The following PKD1 variants were observed in gnomAD, a reference collection of about 807,000 sequenced individuals.
PKD1 encodes polycystin 1, transient receptor potential channel interacting.
In PKD1, 81 loss-of-function variants were observed where a neutral mutation model predicts 361.7. The ratio of observed to expected loss-of-function variants is 0.22; its 90% CI spans 0.19 to 0.27. The LOEUF (loss-of-function observed/expected upper bound fraction) is 0.27. PKD1 is among the 10% of genes least tolerant of loss of function. The pLI is 1.00. For missense variants in PKD1, 6,399 were observed against 6,118.3 expected (o/e 1.05, Z -1.53); for synonymous variants, 3,615 against 2,818.3 (o/e 1.28, Z -8.95).
intron 1 of PKD1, 156 bp from the exon 2 acceptor site, chr16:2,119,534 G>A (rs1323391551): frequency 2.0e-5 from 14 of 694,856 alleles, no homozygotes; most frequent in Non-Finnish European, 3.7e-5. Context: ...TCTGATGGAA[G>A]ACCCAAATGA....
At position 2,090,597 on chromosome 16, in the gene PKD1, G is replaced by A. The variant is rs371275742; in HGVS notation, c.12139-7C>T. 66 of 1,608,352 alleles carry A rather than the reference G, an allele frequency of 4.1e-5. No homozygotes were observed. Among genetic ancestry groups the A allele is most frequent in the African/African-American group, 6.7e-5 (5 of 74,906 alleles). ...CCACACAGGAAGACACGAGCTGCGG[G>A]GAAGGCGACACCAGTGAGGGCGTAC... is the stretch of plus-strand genomic sequence containing the variant. On this transcript the variant is annotated splice_region_variant and splice_polypyrimidine_tract_variant and intron_variant, in intron 44 of 45. Coordinates refer to ENST00000262304, the MANE Select transcript of PKD1 (RefSeq NM_001009944.3).
intron 37 of PKD1, 132 bp downstream of exon 37, chr16:2,093,412 G>A: frequency 1.1e-6 from 1 of 892,074 alleles, no homozygotes; most frequent in Non-Finnish European, 1.7e-6. Context: ...ACCGGGCAAA[G>A]GCTGCAGAGC....
At chr16:2,092,787 A>C in intron 38 of PKD1, 167 bp downstream of exon 38, 1 of 894,686 alleles carries the variant, frequency 1.1e-6, no homozygotes, top group Non-Finnish European at 1.8e-6. Flanking sequence ...GCACTGCAAG[A>C]CACGGACCTG....
At chr16:2,108,083 T>A (rs770502089) in intron 15 of PKD1, 51 bp from the exon 16 acceptor site, 1 of 1,584,018 alleles carries the variant, frequency 6.3e-7, no homozygotes. Flanking sequence ...CATCCAGTTT[T>A]AAAGCAGAGC....
intron 1 of PKD1, among the ~76,000 whole-genome samples, chr16:2,121,765 G>A (rs557176563): frequency 1.3e-5 from 2 of 152,148 alleles, no homozygotes; most frequent in East Asian, 1.9e-4. Flanking sequence ...TGGCTCCGCA[G>A]GTCTGCACAC....
Position 2,114,630 on chromosome 16 carries a change from A to G in PKD1, c.2393T>C (p.Val798Ala). The change falls in exon 11 of 46, where the codon GTC (valine) becomes GCC (alanine). Residue 798 changes from valine to alanine, a missense_variant. Physicochemically the swap from Val to Ala is moderately conservative, Grantham distance 64 (BLOSUM62 0). Transcript: ENST00000262304. ...PGLRLPGRYE[V>A]RAEVGNGVSR... ...CACGCCATTGCCCACCTCTGCCCGG[A>G]CCTCATAGCGCCCAGGCAGCCGCAG... 1 of 1,569,622 alleles carries G rather than the reference A, an allele frequency of 6.4e-7. No homozygotes were observed. Among genetic ancestry groups the G allele is most frequent in the Non-Finnish European group, 8.6e-7 (1 of 1,167,066 alleles).
At chr16:2,113,711 C>T (rs1342456767) in intron 11 of PKD1, 1 of 355,802 alleles carries the variant, frequency 2.8e-6, no homozygotes, top group South Asian at 2.8e-5. Flanking sequence ...TCTGATGGCC[C>T]CTCCCAAGGC....
chr16:2,091,281 C>T, intron 42 of PKD1, 107 bp from the exon 43 acceptor site: 2 of 397,022 alleles, frequency 5.0e-6, no homozygotes, highest in South Asian at 9.0e-5. Flanking sequence ...CGGGACGCTG[C>T]CGGGGCGGGG....
chr16:2,102,119 C>G lies in PKD1; in HGVS notation c.9339G>C (p.Gly3113=), dbSNP rs752131820. 1.9e-6 allele frequency: 3 copies of G among 1,568,290 alleles called. No homozygotes were observed. The highest frequency in any genetic ancestry group is 2.6e-6 in the Non-Finnish European group (3 of 1,150,528). ...ASRGRAIPFC[G]QRGRFKYEIL... ...TCTCGTACTTGAAGCGGCCCCGCTG[C>G]CCACAGAAAGGGATGGCGCGGCCCC... The change falls in exon 26 of 46, where the codon GGG becomes GGC. Residue 3113 remains glycine, a synonymous_variant. Transcript: ENST00000262304.
chr16:2,090,800 C>G lies in PKD1; in HGVS notation c.12012G>C (p.Gln4004His). ...LLFLLLVKAA[Q>H]QLRFVRQWSV... ...ACCACTGGCGCACGAAGCGTAGCTGCTGGGCAGCCTGCGGACGAGAAATCT... is the reference window on the plus strand; with the variant it reads ...ACCACTGGCGCACGAAGCGTAGCTGGTGGGCAGCCTGCGGACGAGAAATCT... The change falls in exon 44 of 46, where the codon CAG becomes CAC. Residue 4004 changes from glutamine to histidine, a missense_variant. Physicochemically the swap from Gln to His is conservative, Grantham distance 24. Coordinates refer to ENST00000262304, the MANE Select transcript of PKD1 (RefSeq NM_001009944.3). 6.2e-7 allele frequency: 1 copy of G among 1,612,464 alleles called. No individual in the cohort carries two copies.
chr16:2,118,717 C>G lies in PKD1; in HGVS notation c.488G>C (p.Gly163Ala). 3 of 1,477,112 alleles carry G rather than the reference C, an allele frequency of 2.0e-6. No homozygotes were observed. The highest frequency in any genetic ancestry group is 2.8e-6 in the Non-Finnish European group (3 of 1,086,110). 91.5% of individuals were successfully genotyped at this position (1,477,112 alleles called of 1,614,324 possible). The change falls in exon 4 of 46, where the codon GGC becomes GCC. Residue 163 changes from glycine to alanine, a missense_variant. By Grantham distance (60) the Gly-to-Ala change is moderately conservative. Transcript: ENST00000262304. This position sits in a 1 kb window ranked among gnomAD's most constrained non-coding sequence, Gnocchi z 6.0. Reference protein sequence around the residue: ...ATCAGPGSLAGQPLLGIPLLD... With the variant: ...ATCAGPGSLAAQPLLGIPLLD... ...CAAGGGGATGCCAAGCAGAGGCTGG[C>G]CAGCCAGGGAGCCAGGCCCAGCACA...
rs555901411 is a variant in PKD1, at chr16:2,104,549, C to T, written c.8110G>A (p.Ala2704Thr). ...ATGGCGGTGGGCGTCACGGTGCCCG[C>T]GGTGGTCTCTGCCTGCAGGATGAGC... The part of the protein sequence containing the change: ...MMLILQAETT[A>T]GTVTPTAIGD... The change falls in exon 22 of 46, where the codon GCG (alanine) becomes ACG (threonine). Residue 2704 changes from alanine to threonine, a missense_variant. Ala to Thr is a moderately conservative substitution (Grantham distance 58). Coordinates refer to ENST00000262304, the MANE Select transcript of PKD1 (RefSeq NM_001009944.3). 54 of 1,590,712 alleles carry T rather than the reference C, an allele frequency of 3.4e-5. No homozygotes were observed. The highest frequency in any genetic ancestry group is 1.6e-4 in the African/African-American group (12 of 73,576).
rs781108645 is a variant in PKD1 at position 2,094,128 on chromosome 16, A to G, written c.10582T>C (p.Trp3528Arg). 1.3e-6 allele frequency: 2 copies of G among 1,595,600 alleles called. No homozygotes were observed. Among genetic ancestry groups the G allele is most frequent in the Non-Finnish European group, 1.7e-6 (2 of 1,171,044 alleles). Residue 3528 changes from tryptophan to arginine, a missense_variant, in exon 35 of 46, where the codon TGG (tryptophan) becomes CGG (arginine). Coordinates refer to ENST00000262304, the MANE Select transcript of PKD1 (RefSeq NM_001009944.3). The part of the protein sequence containing the change: ...ELGPPSPGLN[W>R]EQPQAARLSR... ...AGCCTCGCTGCCTGGGGCTGTTCCC[A>G]GTTCAGGCCTGGGCTGGGTGGCCCC...
intron 1 of PKD1, among the ~76,000 whole-genome samples, chr16:2,121,754 A>G (rs920421438): frequency 6.6e-6 from 1 of 151,342 alleles, no homozygotes; most frequent in African/African-American, 2.4e-5. Flanking sequence ...GCACAGGACT[A>G]TGGCTCCGCA....
In PKD1 at chr16:2,111,633, G is replaced by C; in HGVS notation, c.3534C>G (p.Asn1178Lys). 6.4e-7 allele frequency: 1 copy of C among 1,574,578 alleles called. No homozygotes were observed. The highest frequency in any genetic ancestry group is 8.6e-7 in the Non-Finnish European group (1 of 1,161,404). The stretch of plus-strand genomic sequence containing the variant: ...AGGTGCCCCTCGAGGCATAGGTGTG[G>C]TTGGCAGCCGGCTGGCTCTGGGTCA... ...PVLTQSQPAANHTYASRGTYH... is the reference protein window; with the variant it reads ...PVLTQSQPAAKHTYASRGTYH... Residue 1178 changes from asparagine (N) to lysine (K), a missense_variant, in exon 15 of 46, where the codon AAC becomes AAG. Asn to Lys is a moderately conservative substitution (Grantham distance 94, BLOSUM62 0). Coordinates refer to ENST00000262304, the MANE Select transcript of PKD1 (RefSeq NM_001009944.3).
At chr16:2,113,682 C>G (rs1379744488) in intron 11 of PKD1, 1 of 381,704 alleles carries the variant, frequency 2.6e-6, no homozygotes, top group East Asian at 6.0e-5. Context: ...CCAGGACAGG[C>G]TGCACAGGTC....
Position 2,103,294 on chromosome 16 carries a change from A to G in PKD1, c.8763T>C (p.His2921=), listed in dbSNP as rs2092178936. 1.2e-6 allele frequency: 2 copies of G among 1,609,496 alleles called. No homozygotes were observed. Among genetic ancestry groups the G allele is most frequent in the Non-Finnish European group, 1.7e-6 (2 of 1,179,668 alleles). ...LDSSNPAAGL[H]LQLNYTLLDG... ...CCAGCAGCGTATAGTTGAGCTGCAGATGCAGCCCGGCCGCAGGGTTGCTGC... is the reference window on the plus strand; with the variant it reads ...CCAGCAGCGTATAGTTGAGCTGCAGGTGCAGCCCGGCCGCAGGGTTGCTGC... Residue 2921 remains histidine (H), a synonymous_variant, in exon 23 of 46, where the codon CAT becomes CAC. Transcript: ENST00000262304.
At chr16:2,116,217 G>C in intron 8 of PKD1, 99 bp from the exon 9 acceptor site, 1 of 1,313,420 alleles carries the variant, frequency 7.6e-7, no homozygotes, top group Non-Finnish European at 1.1e-6. Context: ...GAGGGAAGGA[G>C]AGCGAGCCAT....
rs1245410226 is a variant in PKD1, at chr16:2,103,195, G to T, written c.8791+71C>A. The T allele has an allele frequency of 4.1e-6, 6 of 1,477,572 alleles. No individual in the cohort carries two copies. The African/African-American group carries it at 6.9e-5, about 17-fold the overall frequency. The allele number at this position is 1,477,572 out of a possible 1,614,324, so 91.5% of individuals were successfully genotyped here. On this transcript the variant is annotated intron_variant, in intron 23 of 45. Coordinates refer to ENST00000262304, the MANE Select transcript of PKD1 (RefSeq NM_001009944.3). ...AATTTCACCAGAGACACCCATGGAA[G>T]CCCTACGAGAAACGCCTTCCCCCCA...
Sources: gnomAD v4.1 joint callset for allele counts (sites outside exome capture counted in the v4.1 genomes callset) on GRCh38, gnomAD v4.1.1 for gene constraint, Gnocchi (gnomAD v3.1) non-coding constraint, MANE v1.5 for transcripts, NCBI Gene and HGNC (gene_info 2026-07-23, HGNC 2026-07-21) for gene names.